Variants in GPR141 observed in about 807,000 individuals in gnomAD.
GPR141 encodes G protein-coupled receptor 141, also known as probable G protein-coupled receptor 141.
A neutral mutation model predicts 6.8 loss-of-function variants in GPR141; 6 were observed. The ratio of observed to expected loss-of-function variants is 0.88; its 90% CI spans 0.48 to 1.74. The LOEUF (loss-of-function observed/expected upper bound fraction) is 1.74, where lower values mean the gene tolerates loss of function less well. GPR141 is among the 40% of genes most tolerant of loss of function. The pLI, the probability that GPR141 is intolerant of heterozygous loss-of-function variation, is 0.01. For synonymous variants in GPR141, 140 were observed against 142.3 expected, an observed-to-expected ratio of 0.98 and a Z score of 0.11; for missense variants, 372 against 372.9, an observed-to-expected ratio of 1.00 and a Z score of 0.02.
intron 2 of GPR141, among the ~76,000 whole-genome samples, chr7:37,732,060 T>G (rs1811979154): frequency 6.7e-6 from 1 of 149,110 alleles, no homozygotes; most frequent in African/African-American, 2.4e-5. Flanking sequence ...TTTATTTTAT[T>G]TTTTTATTAT....
chr7:37,740,122 T>C (rs542298535), intron 2 of GPR141, among the ~76,000 whole-genome samples: 1 of 152,332 alleles, frequency 6.6e-6, no homozygotes, highest in South Asian at 2.1e-4. Context: ...TTGTCTTATC[T>C]ACATACATCT....
Position 37,736,030 on chromosome 7 carries a change from G to A in GPR141, c.-14-4350G>A, listed in dbSNP as rs189201391. 2.1e-3 allele frequency among the ~76,000 whole-genome samples: 324 copies of A among 152,160 alleles called. 2 individuals carry two copies. The highest frequency in any genetic ancestry group is 7.6e-3 in the African/African-American group (314 of 41,522). The stretch of plus-strand genomic sequence containing the variant: ...TCCCAGCACTTTGGGAGGCTGAGGC[G>A]GGTGGATCACTTGAGGTCAGGAGTT... On this transcript the variant is annotated intron_variant, in intron 2 of 2. Coordinates refer to ENST00000334425, the MANE Select transcript of GPR141 (RefSeq NM_001381946.1).
At chr7:37,727,352 T>C (rs1369416177) in intron 2 of GPR141, among the ~76,000 whole-genome samples, 1 of 152,212 alleles carries the variant, frequency 6.6e-6, no homozygotes, top group Non-Finnish European at 1.5e-5. Context: ...AAATCTTCCA[T>C]CTCTTGACCT....
chr7:37,710,284 G>A (rs1455444189), intron 2 of GPR141, among the ~76,000 whole-genome samples: 1 of 152,108 alleles, frequency 6.6e-6, no homozygotes, highest in South Asian at 2.1e-4. Flanking sequence ...CTGTAGCACA[G>A]TAGAGAGCAA....
intron 2 of GPR141, among the ~76,000 whole-genome samples, chr7:37,726,770 T>C (rs1811652196): frequency 6.6e-6 from 1 of 152,212 alleles, no homozygotes; most frequent in Non-Finnish European, 1.5e-5. Context: ...ATAACATTGA[T>C]ACAATTCTAT....
chr7:37,713,841 T>C (rs1396410382), intron 2 of GPR141, among the ~76,000 whole-genome samples: 2 of 152,206 alleles, frequency 1.3e-5, no homozygotes, highest in African/African-American at 4.8e-5. Flanking sequence ...CTAAATCCTT[T>C]ATATCTGTTT....
At chr7:37,698,462 G>A (rs1810125886) in intron 2 of GPR141, among the ~76,000 whole-genome samples, 2 of 152,168 alleles carry the variant, frequency 1.3e-5, no homozygotes, top group Admixed American at 6.5e-5. Flanking sequence ...CTCATTGCGG[G>A]GAGGGGAAAC....
intron 2 of GPR141, among the ~76,000 whole-genome samples, chr7:37,690,447 C>T (rs562609296): frequency 3.9e-5 from 6 of 152,236 alleles, no homozygotes; most frequent in African/African-American, 1.2e-4. Context: ...CACAGTGCGA[C>T]GTGCCTGCTC....
intron 2 of GPR141, among the ~76,000 whole-genome samples, chr7:37,721,753 A>G (rs1275875040): frequency 6.6e-6 from 1 of 152,168 alleles, no homozygotes; most frequent in African/African-American, 2.4e-5. Context: ...TGTAAAGTGG[A>G]GACACAATTT....
chr7:37,740,098 A>G (rs545468717), intron 2 of GPR141, among the ~76,000 whole-genome samples: 3 of 152,080 alleles, frequency 2.0e-5, no homozygotes, highest in African/African-American at 7.2e-5. Flanking sequence ...AATCCTCCTG[A>G]AGTTTTATGT....
At chr7:37,721,362 G>C (rs1811319264) in intron 2 of GPR141, among the ~76,000 whole-genome samples, 1 of 152,174 alleles carries the variant, frequency 6.6e-6, no homozygotes, top group African/African-American at 2.4e-5. Context: ...TCAGGACCTG[G>C]TGACAAAAGT....
chr7:37,714,691 C>T (rs913857272), intron 2 of GPR141, among the ~76,000 whole-genome samples: 3 of 152,150 alleles, frequency 2.0e-5, no homozygotes, highest in African/African-American at 7.2e-5. Flanking sequence ...CCTCACTTTC[C>T]AATGAATATG....
intron 2 of GPR141, among the ~76,000 whole-genome samples, chr7:37,725,237 A>C (rs2131827913): frequency 6.6e-6 from 1 of 152,318 alleles, no homozygotes; most frequent in African/African-American, 2.4e-5. Context: ...GTTATGAAGA[A>C]CATGGCTTGG....
chr7:37,696,747 G>A (rs1279670926), intron 2 of GPR141, among the ~76,000 whole-genome samples: 5 of 151,828 alleles, frequency 3.3e-5, no homozygotes, highest in African/African-American at 4.8e-5. Flanking sequence ...GCTATGTGAT[G>A]GCCTTGCTTA....
intron 2 of GPR141, among the ~76,000 whole-genome samples, chr7:37,720,567 C>T (rs1259167918): frequency 6.6e-6 from 1 of 152,012 alleles, no homozygotes; most frequent in African/African-American, 2.4e-5. Flanking sequence ...TGGTGAAACC[C>T]CTTCTCTACT....
intron 2 of GPR141, among the ~76,000 whole-genome samples, chr7:37,734,505 G>A (rs948735328): frequency 6.6e-6 from 1 of 152,210 alleles, no homozygotes; most frequent in African/African-American, 2.4e-5. Flanking sequence ...AACATGCACA[G>A]TCCTTGTCCT....
chr7:37,740,289 AAATGG>A, intron 2 of GPR141, 86 bp from the exon 3 acceptor site: 1 of 793,358 alleles, frequency 1.3e-6, no homozygotes, highest in Non-Finnish European at 2.1e-6. Flanking sequence ...ATAAGCACAT[AAATGG>A]CAAAGTCACA....
intron 2 of GPR141, among the ~76,000 whole-genome samples, chr7:37,719,726 A>G (rs569056072): frequency 2.0e-5 from 3 of 152,342 alleles, no homozygotes; most frequent in African/African-American, 7.2e-5. Context: ...GGGGCTGAGA[A>G]TTAGGTGAGA....
In GPR141 at chr7:37,694,979, A is replaced by G. The variant is rs1809949272; in HGVS notation, c.-15+9396A>G. 2.0e-5 allele frequency among the ~76,000 whole-genome samples: 3 copies of G among 152,108 alleles called. No homozygotes were observed. The South Asian group carries it at 6.2e-4, about 31-fold the overall frequency. On this transcript the variant is annotated intron_variant, in intron 2 of 2. Transcript: ENST00000334425. ...CTAAGGCACCATTTTCCCAGCAGGCAGTGTACAGCCTCAGCTTAGGGCCCT... is the reference window on the plus strand; with the variant it reads ...CTAAGGCACCATTTTCCCAGCAGGCGGTGTACAGCCTCAGCTTAGGGCCCT...
Sources: allele counts gnomAD v4.1 joint callset (sites outside exome capture counted in the v4.1 genomes callset), GRCh38; gene constraint gnomAD v4.1.1; transcripts MANE v1.5; gene names NCBI Gene and HGNC (gene_info 2026-07-23, HGNC 2026-07-21).